COL28A1: variants seen among roughly 807,000 people sequenced by gnomAD.
COL28A1 encodes the protein collagen type XXVIII alpha 1 chain.
COL28A1 carries 161 observed loss-of-function variants against 150.2 expected under a neutral mutation model. That is an observed-to-expected ratio of 1.07 (90% CI 0.94 to 1.22). The LOEUF is 1.22. COL28A1 is among the 50% of genes most tolerant of loss of function. The probability of loss-of-function intolerance (pLI) is 0.00; values close to 1 mark genes in which losing one functional copy is unlikely to be tolerated. For missense variants in COL28A1, 1,617 were observed against 1,388.3 expected, an observed-to-expected ratio of 1.16 and a Z score of -2.62; for synonymous variants, 552 against 469.7, an observed-to-expected ratio of 1.18 and a Z score of -2.26.
Position 7,401,142 on chromosome 7 carries a change from G to A in COL28A1, c.2136+16717C>T, listed in dbSNP as rs1783181057. Among the ~76,000 whole-genome samples, 3 of 151,686 alleles carry A rather than the reference G, an allele frequency of 2.0e-5. No individual in the cohort carries two copies. The South Asian group carries it at 6.2e-4, about 32-fold the overall frequency. On this transcript the variant is annotated intron_variant, in intron 27 of 34. Transcript: ENST00000399429. ...CTCTCTGTGAAATATTTCCTCACGT[G>A]GCTTCCAGGACACCTCTTTCTTTTC...
intron 31 of COL28A1, among the ~76,000 whole-genome samples, chr7:7,374,969 G>A (rs1225849885): frequency 6.6e-6 from 1 of 152,186 alleles, no homozygotes; most frequent in African/African-American, 2.4e-5. Context: ...GCATTTAGTA[G>A]TTGTGAAGCA....
chr7:7,517,838 C>A lies in COL28A1; in HGVS notation c.814-1G>T, dbSNP rs1781501499. The A allele has an allele frequency of 6.8e-6, 11 of 1,613,572 alleles. No homozygotes were observed. Among genetic ancestry groups the A allele is most frequent in the Non-Finnish European group, 9.3e-6 (11 of 1,179,696 alleles). On this transcript the variant is annotated splice_acceptor_variant, in intron 6 of 34. Coordinates refer to ENST00000399429, the MANE Select transcript of COL28A1 (RefSeq NM_001037763.3). LOFTEE classifies it high-confidence loss of function. ...CAGCTTCTCCTTTTTGAGCGTTGCC[C>A]TGTGACAAACAAAAAACAGTAAAAA...
intron 9 of COL28A1, among the ~76,000 whole-genome samples, chr7:7,510,485 G>A (rs571477120): frequency 7.2e-5 from 11 of 152,204 alleles, no homozygotes; most frequent in East Asian, 3.9e-4. Context: ...GTGTTTCACC[G>A]TATTGGTCAG....
intron 9 of COL28A1, among the ~76,000 whole-genome samples, chr7:7,507,639 A>G (rs1435728445): frequency 6.6e-6 from 1 of 152,202 alleles, no homozygotes; most frequent in African/African-American, 2.4e-5. Flanking sequence ...ATTCGGTCCC[A>G]TAACCAGGAA....
At chr7:7,398,082 T>C (rs1583289193) in intron 27 of COL28A1, among the ~76,000 whole-genome samples, 1 of 152,204 alleles carries the variant, frequency 6.6e-6, no homozygotes, top group African/African-American at 2.4e-5. Context: ...TAGAATTCTG[T>C]GTTCTTATAA....
chr7:7,338,464 G>C, the COL28A1 span, among the ~76,000 whole-genome samples: 1 of 152,004 alleles, frequency 6.6e-6, no homozygotes, highest in African/African-American at 2.4e-5. Context: ...ATTGTAAATA[G>C]GATTGTGTTC....
chr7:7,339,439 T>C, the COL28A1 span, among the ~76,000 whole-genome samples: 1 of 152,176 alleles, frequency 6.6e-6, no homozygotes. Flanking sequence ...AGTAGCATTA[T>C]CAAAATTGAC....
the COL28A1 span, among the ~76,000 whole-genome samples, chr7:7,340,820 T>C: frequency 6.6e-6 from 1 of 152,204 alleles, no homozygotes; most frequent in South Asian, 2.1e-4. Context: ...GAAAAAAATG[T>C]ACATTTGCAC....
chr7:7,512,376 GATC>G (rs1326197619), intron 8 of COL28A1, among the ~76,000 whole-genome samples: 1 of 152,030 alleles, frequency 6.6e-6, no homozygotes, highest in Non-Finnish European at 1.5e-5. Context: ...CACAAAAACT[GATC>G]ATTATGTGAA....
intron 30 of COL28A1, among the ~76,000 whole-genome samples, chr7:7,379,885 C>G (rs1323797458): frequency 1.3e-5 from 2 of 152,076 alleles, no homozygotes; most frequent in African/African-American, 4.8e-5. Flanking sequence ...GCAGACAGCC[C>G]GCAGAACACA....
At chr7:7,520,372 C>T (rs10486178) in intron 5 of COL28A1, among the ~76,000 whole-genome samples, 50,018 of 152,090 alleles carry the variant, frequency 0.33, 9,061 homozygotes, top group African/African-American at 0.48. Flanking sequence ...CCAAAACAAT[C>T]ACTTCTCAGC....
At chr7:7,367,046 G>A (rs1214978238) in intron 33 of COL28A1, among the ~76,000 whole-genome samples, 1 of 152,214 alleles carries the variant, frequency 6.6e-6, no homozygotes, top group African/African-American at 2.4e-5. Flanking sequence ...ATACATGACA[G>A]TGGTCCCATC....
At chr7:7,415,905 C>T (rs896376289) in intron 27 of COL28A1, among the ~76,000 whole-genome samples, 1 of 152,106 alleles carries the variant, frequency 6.6e-6, no homozygotes, top group Non-Finnish European at 1.5e-5. Flanking sequence ...TGGGTTCAAG[C>T]GATTCTCATG....
rs143674938 is a variant in COL28A1 at position 7,520,334 on chromosome 7, T to A, written c.760-219A>T. 2.2e-4 allele frequency among the ~76,000 whole-genome samples: 33 copies of A among 152,338 alleles called. 1 individual carries two copies. The highest frequency in any genetic ancestry group is 6.2e-4 in the South Asian group (3 of 4,828). ...TAGATTTGCTCAAAAGAGAATAATG[T>A]TTCTCTCTTCCCACCAATTACTTCT... On this transcript the variant is annotated intron_variant, in intron 5 of 34. Coordinates refer to ENST00000399429, the MANE Select transcript of COL28A1 (RefSeq NM_001037763.3).
Position 7,444,401 on chromosome 7 carries a change from G to A in COL28A1, c.1581+17C>T, listed in dbSNP as rs772191448. On this transcript the variant is annotated intron_variant, in intron 19 of 34. Coordinates refer to ENST00000399429, the MANE Select transcript of COL28A1 (RefSeq NM_001037763.3). ...TCAACAGTTCCTACTCCAGTAATAC[G>A]AAAAACTTGGTGTTACCTTCTTCCC... The A allele has an allele frequency of 7.4e-6, 12 of 1,613,202 alleles. No individual in the cohort carries two copies. The highest frequency in any genetic ancestry group is 2.7e-5 in the African/African-American group (2 of 74,856).
chr7:7,380,613 T>A (rs1781817682), intron 30 of COL28A1, 47 bp downstream of exon 30: 1 of 1,548,570 alleles, frequency 6.5e-7, no homozygotes, highest in Non-Finnish European at 8.9e-7. Flanking sequence ...AATGCAACAA[T>A]TTTGCAAGCA....
chr7:7,347,456 A>C, the COL28A1 span, among the ~76,000 whole-genome samples: 2 of 152,142 alleles, frequency 1.3e-5, no homozygotes, highest in Non-Finnish European at 2.9e-5. Context: ...AAAGGGGAAT[A>C]CTGCAGTGTC....
chr7:7,343,309 CCCT>C, the COL28A1 span, among the ~76,000 whole-genome samples: 1 of 151,920 alleles, frequency 6.6e-6, no homozygotes, highest in Non-Finnish European at 1.5e-5. Flanking sequence ...GCCTCATGCC[CCCT>C]TTTTTCCTTC....
chr7:7,398,617 T>C (rs987872899), intron 27 of COL28A1, among the ~76,000 whole-genome samples: 1 of 152,230 alleles, frequency 6.6e-6, no homozygotes, highest in Non-Finnish European at 1.5e-5. Context: ...GCTTTTCCAG[T>C]TGGACTCAGT....
Sources: gnomAD v4.1 joint callset for allele counts (sites outside exome capture counted in the v4.1 genomes callset) on GRCh38, gnomAD v4.1.1 for gene constraint, MANE v1.5 for transcripts, NCBI Gene and HGNC (gene_info 2026-07-23, HGNC 2026-07-21) for gene names.